NRXN1: variants seen among roughly 807,000 people sequenced by gnomAD.
NRXN1 encodes neurexin 1, also known as neurexin-1.
A neutral mutation model predicts 150.9 loss-of-function variants in NRXN1; 39 were observed. The ratio of observed to expected loss-of-function variants is 0.26; its 90% CI spans 0.20 to 0.34. NRXN1 has a LOEUF of 0.34. Ranked by LOEUF, NRXN1 falls within the 10% of genes least tolerant of loss-of-function variation. The probability of loss-of-function intolerance (pLI) is 1.00; values close to 1 mark genes in which losing one functional copy is unlikely to be tolerated. For synonymous variants in NRXN1, 924 were observed against 757.0 expected (o/e 1.22, Z -3.62); for missense variants, 1,815 against 1,949.9 (o/e 0.93, Z 1.30).
At chr2:50,996,270 C>G (rs887548569) in intron 2 of NRXN1, among the ~76,000 whole-genome samples, 2 of 152,040 alleles carry the variant, frequency 1.3e-5, no homozygotes, top group Non-Finnish European at 2.9e-5. Flanking sequence ...ACGTATCATG[C>G]TTAAAGTATA....
intron 21 of NRXN1, among the ~76,000 whole-genome samples, chr2:50,004,272 T>C (rs1684411541): frequency 6.6e-6 from 1 of 152,118 alleles, no homozygotes; most frequent in South Asian, 2.1e-4. Flanking sequence ...GACTCATTTA[T>C]AATAAAATAT....
intron 5 of NRXN1, among the ~76,000 whole-genome samples, chr2:50,682,343 C>T (rs1690528569): frequency 1.3e-5 from 2 of 152,094 alleles, no homozygotes; most frequent in Admixed American, 1.3e-4. Context: ...AGCCATCTCT[C>T]AATTGGTCTT....
intron 5 of NRXN1, among the ~76,000 whole-genome samples, chr2:50,736,814 T>C (rs1054411500): frequency 6.6e-6 from 1 of 152,088 alleles, no homozygotes; most frequent in Non-Finnish European, 1.5e-5. Context: ...AACGAACAAA[T>C]ACAGATATCA....
chr2:50,417,975 G>A (rs1256606346), intron 17 of NRXN1, among the ~76,000 whole-genome samples: 2 of 151,944 alleles, frequency 1.3e-5, no homozygotes, highest in Non-Finnish European at 2.9e-5. Context: ...ACGGAGTACT[G>A]AGAAGTTTTA....
intron 17 of NRXN1, among the ~76,000 whole-genome samples, chr2:50,349,920 G>A (rs903985777): frequency 1.3e-5 from 2 of 152,130 alleles, no homozygotes; most frequent in African/African-American, 4.8e-5. Flanking sequence ...ATGCCTGAAG[G>A]GGACAAGAGT....
At chr2:50,318,133 T>C (rs2075755668) in intron 17 of NRXN1, among the ~76,000 whole-genome samples, 3 of 151,742 alleles carry the variant, frequency 2.0e-5, no homozygotes, top group South Asian at 2.1e-4. Context: ...AATAATCTAA[T>C]AGGAAAAAAA....
chr2:50,398,029 A>C (rs1216951876), intron 17 of NRXN1, among the ~76,000 whole-genome samples: 1 of 152,174 alleles, frequency 6.6e-6, no homozygotes, highest in African/African-American at 2.4e-5. Flanking sequence ...GAAAGGAAGA[A>C]TGTTGGAAAA....
intron 5 of NRXN1, among the ~76,000 whole-genome samples, chr2:50,920,652 T>C (rs1287053780): frequency 6.6e-6 from 1 of 151,650 alleles, no homozygotes; most frequent in Non-Finnish European, 1.5e-5. Flanking sequence ...GTGGATGAGA[T>C]TTTGGCCTCA....
intron 22 of NRXN1, among the ~76,000 whole-genome samples, chr2:49,930,596 A>T (rs1352729775): frequency 6.6e-6 from 1 of 152,230 alleles, no homozygotes; most frequent in Admixed American, 6.5e-5. Context: ...TTTAACATTA[A>T]TTCTATACTA....
intron 21 of NRXN1, among the ~76,000 whole-genome samples, chr2:49,980,903 A>G (rs967705864): frequency 2.0e-5 from 3 of 152,126 alleles, no homozygotes; most frequent in Non-Finnish European, 4.4e-5. Flanking sequence ...AACCTCCCCA[A>G]TTGCTTGACA....
At chr2:49,989,963 T>C (rs1337722981) in intron 21 of NRXN1, among the ~76,000 whole-genome samples, 1 of 152,138 alleles carries the variant, frequency 6.6e-6, no homozygotes, top group Admixed American at 6.6e-5. Context: ...TTCTCTCTAA[T>C]GGGTGAACAA....
Position 50,115,217 on chromosome 2 carries a change from G to GTGTATATA in NRXN1, c.3547-23724_3547-23723insTATATACA, listed in dbSNP as rs1553626152. On this transcript the variant is annotated intron_variant, in intron 18 of 22. Coordinates refer to ENST00000401669, the MANE Select transcript of NRXN1 (RefSeq NM_001330078.2). ...ACAAAAAAACATATATATGTTATGT[G>GTGTATATA]TATATATATATATATATATATATAC... 1.1e-3 allele frequency among the ~76,000 whole-genome samples: 151 copies of GTGTATATA among 134,922 alleles called. 1 individual carries two copies. Among genetic ancestry groups the GTGTATATA allele is most frequent in the Middle Eastern group, 8.1e-3 (2 of 246 alleles). The allele number at this position is 134,922 out of a possible 152,430, so 88.5% of individuals were successfully genotyped here. A position where few individuals can be genotyped will look rare whatever the true frequency, so the allele number is the denominator to read the frequency against.
intron 17 of NRXN1, among the ~76,000 whole-genome samples, chr2:50,419,698 G>A (rs2083820652): frequency 1.3e-5 from 2 of 151,694 alleles, no homozygotes; most frequent in Admixed American, 6.6e-5. Context: ...TGAGTAAATT[G>A]GAAATACTTA....
At chr2:50,480,068 C>T (rs1047428983) in intron 15 of NRXN1, among the ~76,000 whole-genome samples, 5 of 152,230 alleles carry the variant, frequency 3.3e-5, no homozygotes, top group Non-Finnish European at 5.9e-5. Flanking sequence ...CCACCATGCC[C>T]GGCCTGATCC....
At chr2:50,993,387 T>A (rs1192631924) in intron 2 of NRXN1, among the ~76,000 whole-genome samples, 2 of 151,962 alleles carry the variant, frequency 1.3e-5, no homozygotes, top group African/African-American at 2.4e-5. Flanking sequence ...AGTACTTTTT[T>A]ATTTATCTTC....
chr2:50,859,542 T>G (rs1440238744), intron 5 of NRXN1, among the ~76,000 whole-genome samples: 1 of 150,556 alleles, frequency 6.6e-6, no homozygotes, highest in Non-Finnish European at 1.5e-5. Context: ...AAGTCTTTTT[T>G]GAGGGGAAAA....
At chr2:50,500,669 A>C (rs1391482747) in intron 13 of NRXN1, among the ~76,000 whole-genome samples, 2 of 152,228 alleles carry the variant, frequency 1.3e-5, no homozygotes, top group Non-Finnish European at 2.9e-5. Flanking sequence ...ACAATATTTA[A>C]GGTATAACAG....
At chr2:50,418,453 C>A (rs1050814783) in intron 17 of NRXN1, among the ~76,000 whole-genome samples, 4 of 152,062 alleles carry the variant, frequency 2.6e-5, no homozygotes, top group Admixed American at 6.6e-5. Flanking sequence ...ATTGTAAAAT[C>A]TCCAAATAAA....
At chr2:50,957,577 C>T (rs185859265) in intron 2 of NRXN1, among the ~76,000 whole-genome samples, 46 of 152,196 alleles carry the variant, frequency 3.0e-4, no homozygotes, top group African/African-American at 1.0e-3. Context: ...TGTGATATCC[C>T]TGGCATAATA....
Sources: allele counts gnomAD v4.1 joint callset (sites outside exome capture counted in the v4.1 genomes callset), GRCh38; gene constraint gnomAD v4.1.1; transcripts MANE v1.5; gene names NCBI Gene and HGNC (gene_info 2026-07-23, HGNC 2026-07-21).